Variants in PSPH observed in about 807,000 individuals in gnomAD.
The protein encoded by PSPH is L-3-phosphoserine phosphatase.
A neutral mutation model predicts 23.4 loss-of-function variants in PSPH; 16 were observed. That is an observed-to-expected ratio of 0.68 (90% CI 0.46 to 1.04). PSPH has a LOEUF of 1.04. Ranked by LOEUF, PSPH falls within the 50% of genes least tolerant of loss-of-function variation. The pLI is 0.00. For missense variants in PSPH, 223 were observed against 273.7 expected (o/e 0.81, Z 1.31); for synonymous variants, 68 against 99.7 (o/e 0.68, Z 1.89).
chr7:56,044,710 G>A (rs567596101), intron 1 of PSPH, among the ~76,000 whole-genome samples: 1 of 151,684 alleles, frequency 6.6e-6, no homozygotes, highest in South Asian at 2.1e-4. Flanking sequence ...TGAGGTGGGA[G>A]GATCACTTGA....
intron 5 of PSPH, among the ~76,000 whole-genome samples, chr7:56,018,960 AC>A (rs1788954602): frequency 6.6e-6 from 1 of 151,460 alleles, no homozygotes; most frequent in African/African-American, 2.4e-5. Context: ...ACAAAGTGAG[AC>A]CCTGTCTCTC....
chr7:56,012,334 G>T (rs1421303855), intron 7 of PSPH, among the ~76,000 whole-genome samples: 1 of 152,112 alleles, frequency 6.6e-6, no homozygotes, highest in African/African-American at 2.4e-5. Flanking sequence ...CGGGATGACA[G>T]GTGCACACCA....
At position 56,015,260 on chromosome 7, in the gene PSPH, T is replaced by C. The variant is rs918090716; in HGVS notation, c.422-89A>G. Reference sequence around the variant, plus strand: ...TGCATAGATGATATCTTCACTTAAATGTCACTGAGAAGGCTAAAAATGGCC... The same window carrying C: ...TGCATAGATGATATCTTCACTTAAACGTCACTGAGAAGGCTAAAAATGGCC... On this transcript the variant is annotated intron_variant, in intron 6 of 7. Transcript: ENST00000275605. 33 of 1,497,522 alleles carry C rather than the reference T, an allele frequency of 2.2e-5. No homozygotes were observed. The African/African-American group carries it at 2.6e-4, about 12-fold the overall frequency. 92.8% of individuals were successfully genotyped at this position (1,497,522 alleles called of 1,614,324 possible). A position where few individuals can be genotyped will look rare whatever the true frequency, so the allele number is the denominator to read the frequency against.
intron 1 of PSPH, among the ~76,000 whole-genome samples, chr7:56,039,981 C>T (rs1035768341): frequency 2.0e-4 from 31 of 151,660 alleles, no homozygotes; most frequent in Non-Finnish European, 1.5e-4. Flanking sequence ...CGCCTGTAGT[C>T]CCAGCTACTT....
rs193128022 is a variant in PSPH at position 56,049,216 on chromosome 7, G to A, written c.-292+1922C>T. ...TGGGATTACAGGCATAAGCCACTGC[G>A]TCCAGCCCCCATCCTCTAAGTTTTA... On this transcript the variant is annotated intron_variant, in intron 1 of 7. Coordinates refer to ENST00000275605, the MANE Select transcript of PSPH (RefSeq NM_004577.4). 1.8e-3 allele frequency among the ~76,000 whole-genome samples: 270 copies of A among 151,466 alleles called. 9 individuals carry two copies. The South Asian group carries it at 0.054, about 30-fold the overall frequency.
At chr7:56,020,123 G>A (rs1789147069) in intron 4 of PSPH, among the ~76,000 whole-genome samples, 1 of 151,930 alleles carries the variant, frequency 6.6e-6, no homozygotes, top group Admixed American at 6.6e-5. Context: ...GGAGGCTGAG[G>A]CAGGAGAATT....
intron 1 of PSPH, among the ~76,000 whole-genome samples, chr7:56,034,924 G>T (rs1791535492): frequency 6.6e-6 from 1 of 151,962 alleles, no homozygotes. Context: ...TAGAGATGGG[G>T]GGGGGTCTCA....
rs1197894960 is a variant in PSPH, at chr7:56,047,669, CT to C, written c.-292+3468del. On this transcript the variant is annotated intron_variant, in intron 1 of 7. Transcript: ENST00000275605. ...GTTCTTGCCAAAAATGAATAACCTG[CT>C]TTTTTTTTTTTTTTTGATAAGAGCC... 5.5e-3 allele frequency among the ~76,000 whole-genome samples: 762 copies of C among 138,438 alleles called. 7 individuals are homozygous for C. The highest frequency in any genetic ancestry group is 0.033 in the Admixed American group (445 of 13,690). 90.8% of individuals were successfully genotyped at this position (138,438 alleles called of 152,430 possible).
chr7:56,030,886 G>A (rs945833718), intron 3 of PSPH, among the ~76,000 whole-genome samples: 4 of 150,994 alleles, frequency 2.6e-5, no homozygotes, highest in African/African-American at 7.3e-5. Context: ...GTGACAGAGC[G>A]AGACTCTGTG....
intron 3 of PSPH, among the ~76,000 whole-genome samples, chr7:56,028,611 G>T (rs1790527543): frequency 6.6e-6 from 1 of 152,054 alleles, no homozygotes; most frequent in Non-Finnish European, 1.5e-5. Flanking sequence ...CTAGGAGACT[G>T]AGCTGGATTT....
At chr7:56,014,087 C>G (rs748784783) in intron 7 of PSPH, among the ~76,000 whole-genome samples, 1 of 149,486 alleles carries the variant, frequency 6.7e-6, no homozygotes, top group Non-Finnish European at 1.5e-5. Context: ...TGAGAGCACA[C>G]CACTGCACTC....
chr7:56,042,333 A>G (rs1256118721), intron 1 of PSPH, among the ~76,000 whole-genome samples: 1 of 152,076 alleles, frequency 6.6e-6, no homozygotes, highest in African/African-American at 2.4e-5. Context: ...ATAAGGCAAG[A>G]CAAAACTGAC....
intron 3 of PSPH, among the ~76,000 whole-genome samples, chr7:56,023,903 A>C (rs1789803248): frequency 6.6e-6 from 1 of 151,924 alleles, no homozygotes; most frequent in African/African-American, 2.4e-5. Context: ...AATGATTTTT[A>C]CATTTATTTT....
chr7:56,021,245 G>T lies in PSPH; in HGVS notation c.-19-14C>A. The T allele has an allele frequency of 6.2e-7, 1 of 1,607,658 alleles. No homozygotes were observed. Among genetic ancestry groups the T allele is most frequent in the Non-Finnish European group, 8.5e-7 (1 of 1,175,234 alleles). ...AGAATTTTCCTCCTACAAGAAAAAAGATAAATGTATTTAAAGACATCAAAT... is the reference window on the plus strand; with the variant it reads ...AGAATTTTCCTCCTACAAGAAAAAATATAAATGTATTTAAAGACATCAAAT... On this transcript the variant is annotated splice_polypyrimidine_tract_variant and intron_variant, in intron 3 of 7. Transcript: ENST00000275605.
intron 7 of PSPH, among the ~76,000 whole-genome samples, chr7:56,012,886 C>T (rs1440645109): frequency 4.7e-5 from 7 of 149,680 alleles, no homozygotes; most frequent in African/African-American, 1.5e-4. Context: ...TGAGCCACTG[C>T]GCCTGGCCAC....
chr7:56,011,528 CAAA>C lies in PSPH; in HGVS notation c.*231_*233del, dbSNP rs34727399. ...TGGGCAACAGAGCAAGATTCTGTCTCAAAAAAAAAAAAAACCTCTCCAGGAAAT... is the reference window on the plus strand; with the variant it reads ...TGGGCAACAGAGCAAGATTCTGTCTCAAAAAAAAAAACCTCTCCAGGAAAT... On this transcript the variant is annotated 3_prime_UTR_variant, in exon 8 of 8. Transcript: ENST00000275605. 67 of 225,630 alleles carry C rather than the reference CAAA, an allele frequency of 3.0e-4. No homozygotes were observed. Among genetic ancestry groups the C allele is most frequent in the East Asian group, 1.1e-3 (11 of 9,684 alleles). The allele number at this position is 225,630 out of a possible 1,614,324, so 14.0% of individuals were successfully genotyped here.
chr7:56,029,166 G>A lies in PSPH; in HGVS notation c.-20+2763C>T, dbSNP rs879374045. Among the ~76,000 whole-genome samples the A allele has an allele frequency of 3.3e-5, 5 of 152,034 alleles. No individual in the cohort carries two copies. The East Asian group carries it at 7.7e-4, about 23-fold the overall frequency. ...ACCAGGAGTGACTCACAATCTATGC[G>A]TATTTAAAATTCTCGTGGCTATAGG... On this transcript the variant is annotated intron_variant, in intron 3 of 7. Transcript: ENST00000275605.
chr7:56,049,086 ATTTTT>A (rs912829666), intron 1 of PSPH, among the ~76,000 whole-genome samples: 1 of 144,452 alleles, frequency 6.9e-6, no homozygotes, highest in Non-Finnish European at 1.5e-5. Flanking sequence ...TGCCCAGCTA[ATTTTT>A]TTTTTTGTAT....
chr7:56,030,863 T>G (rs1182074361), intron 3 of PSPH, among the ~76,000 whole-genome samples: 1 of 150,282 alleles, frequency 6.7e-6, no homozygotes, highest in Admixed American at 6.6e-5. Flanking sequence ...CACACCATTG[T>G]ACTCCAGCCT....
Sources: gnomAD v4.1 joint callset for allele counts (sites outside exome capture counted in the v4.1 genomes callset) on GRCh38, gnomAD v4.1.1 for gene constraint, MANE v1.5 for transcripts, NCBI Gene and HGNC (gene_info 2026-07-23, HGNC 2026-07-21) for gene names.